ATP10B: variants seen among roughly 807,000 people sequenced by gnomAD.
The protein encoded by ATP10B is phospholipid-transporting ATPase VB.
Under a neutral mutation model 141.2 loss-of-function variants are expected in ATP10B, and 122 were observed. The observed-to-expected ratio is 0.86, with a 90% confidence interval of 0.75 to 1.00. ATP10B has a LOEUF of 1.00. Ranked by LOEUF, ATP10B falls within the 50% of genes least tolerant of loss-of-function variation. ATP10B has a pLI of 0.00. For missense variants in ATP10B, 1,876 were observed against 1,825.3 expected, an observed-to-expected ratio of 1.03 and a Z score of -0.51; for synonymous variants, 685 against 692.0, an observed-to-expected ratio of 0.99 and a Z score of 0.16.
chr5:160,871,649 T>C, the ATP10B span, among the ~76,000 whole-genome samples: 1 of 152,178 alleles, frequency 6.6e-6, no homozygotes, highest in East Asian at 1.9e-4. Context: ...GTTACTTCAC[T>C]TAAAAGAATA....
intron 6 of ATP10B, among the ~76,000 whole-genome samples, chr5:160,671,806 A>C (rs2127727087): frequency 6.6e-6 from 1 of 152,110 alleles, no homozygotes; most frequent in South Asian, 2.1e-4. Context: ...TGGGGGTCAA[A>C]AGAAATTTTT....
At chr5:160,796,781 A>T (rs1339441204) in intron 1 of ATP10B, among the ~76,000 whole-genome samples, 1 of 152,162 alleles carries the variant, frequency 6.6e-6, no homozygotes, top group Non-Finnish European at 1.5e-5. Context: ...GACTCCTCAC[A>T]CAGGTACCTC....
At chr5:160,833,506 CT>C (rs1775229420) in intron 1 of ATP10B, among the ~76,000 whole-genome samples, 1 of 152,082 alleles carries the variant, frequency 6.6e-6, no homozygotes, top group South Asian at 2.1e-4. Flanking sequence ...TTATTTCATC[CT>C]GTTTGATTTT....
rs1337967671 is a variant in ATP10B at position 160,652,908 on chromosome 5, TACA to T, written c.676-3655_676-3653del. 4.1e-3 allele frequency among the ~76,000 whole-genome samples: 294 copies of T among 72,196 alleles called. 27 individuals are homozygous for T. The highest frequency in any genetic ancestry group is 0.018 in the African/African-American group (285 of 16,242). 47.4% of individuals were successfully genotyped at this position (72,196 alleles called of 152,430 possible). A position where few individuals can be genotyped will look rare whatever the true frequency, so the allele number is the denominator to read the frequency against. On this transcript the variant is annotated intron_variant, in intron 7 of 25. Coordinates refer to ENST00000327245, the MANE Select transcript of ATP10B (RefSeq NM_025153.3). ...ATATAATTATATAATATATTATATA[TACA>T]TGTATATATAATATATTATATATAC...
At chr5:160,670,720 C>G (rs1762637578) in intron 6 of ATP10B, 53 bp from the exon 7 acceptor site, 1 of 1,522,544 alleles carries the variant, frequency 6.6e-7, no homozygotes, top group East Asian at 2.2e-5. Flanking sequence ...CCTCAGAACA[C>G]TAATGAAAGA....
chr5:160,619,804 T>A (rs1758221532), intron 15 of ATP10B, among the ~76,000 whole-genome samples: 1 of 152,130 alleles, frequency 6.6e-6, no homozygotes, highest in South Asian at 2.1e-4. Flanking sequence ...GGGAAAAGGA[T>A]AATAAAGAGG....
At chr5:160,577,237 T>A (rs1755248778) in intron 24 of ATP10B, among the ~76,000 whole-genome samples, 1 of 152,198 alleles carries the variant, frequency 6.6e-6, no homozygotes, top group South Asian at 2.1e-4. Context: ...GCTCTTTTCA[T>A]CTTTCTGCTC....
In ATP10B at chr5:160,563,787, G is replaced by A. The variant is rs1332522432; in HGVS notation, c.*1666C>T. The A allele has an allele frequency of 6.6e-6, 1 of 152,144 alleles. No homozygotes were observed. Among genetic ancestry groups the A allele is most frequent in the Non-Finnish European group, 1.5e-5 (1 of 68,026 alleles). The allele number at this position is 152,144 out of a possible 1,614,324, so 9.4% of individuals were successfully genotyped here. ...AAAAATTGAGGTACCTGAGATCCAAGTTTTGACTCAATCCCCTCACTGGAA... is the reference window on the plus strand; with the variant it reads ...AAAAATTGAGGTACCTGAGATCCAAATTTTGACTCAATCCCCTCACTGGAA... On this transcript the variant is annotated 3_prime_UTR_variant, in exon 26 of 26. Coordinates refer to ENST00000327245, the MANE Select transcript of ATP10B (RefSeq NM_025153.3).
At chr5:160,636,063 C>T in intron 11 of ATP10B, 119 bp downstream of exon 11, 1 of 1,170,354 alleles carries the variant, frequency 8.5e-7, no homozygotes, top group Non-Finnish European at 1.2e-6. Context: ...TGACCATCTC[C>T]TCATCTCAAT....
chr5:160,690,884 C>T (rs939105185), intron 3 of ATP10B, among the ~76,000 whole-genome samples: 7 of 152,204 alleles, frequency 4.6e-5, no homozygotes, highest in African/African-American at 1.4e-4. Flanking sequence ...ATAAATCATT[C>T]TTCTACAAAG....
In ATP10B at chr5:160,686,269, C is replaced by A; in HGVS notation, c.280G>T (p.Ala94Ser). ...ACCAGGAACAGGAAATAGAGGTTAG[C>A]CCATCTGGAGGGGCAAGCGAAGTGT... ...RNLFEQFHRW[A>S]NLYFLFLVIL... Residue 94 changes from alanine (A) to serine (S), a missense_variant, in exon 6 of 26, where the codon GCT becomes TCT. Physicochemically the swap from Ala to Ser is moderately conservative, Grantham distance 99. Transcript: ENST00000327245. 6.3e-7 allele frequency: 1 copy of A among 1,583,698 alleles called. No individual in the cohort carries two copies. The highest frequency in any genetic ancestry group is 8.6e-7 in the Non-Finnish European group (1 of 1,160,470).
intron 1 of ATP10B, among the ~76,000 whole-genome samples, chr5:160,835,428 G>A (rs554728330): frequency 1.6e-4 from 24 of 152,178 alleles, no homozygotes; most frequent in African/African-American, 5.1e-4. Flanking sequence ...AGGAGCATAT[G>A]GTCATCTCTA....
chr5:160,778,764 C>G (rs1770517390), intron 2 of ATP10B, among the ~76,000 whole-genome samples: 1 of 152,110 alleles, frequency 6.6e-6, no homozygotes, highest in South Asian at 2.1e-4. Context: ...GGTACGTTGT[C>G]AAAATATTTA....
chr5:160,779,825 T>C (rs1392753395), intron 2 of ATP10B, among the ~76,000 whole-genome samples: 1 of 151,970 alleles, frequency 6.6e-6, no homozygotes, highest in Admixed American at 6.5e-5. Context: ...CAATGGATGC[T>C]GTATACAAGC....
intron 13 of ATP10B, among the ~76,000 whole-genome samples, chr5:160,627,768 G>A (rs1162422155): frequency 6.6e-6 from 1 of 152,110 alleles, no homozygotes; most frequent in Admixed American, 6.5e-5. Flanking sequence ...AATTCATTAG[G>A]TTAAAAAAGC....
intron 7 of ATP10B, among the ~76,000 whole-genome samples, chr5:160,655,336 T>C (rs1761414268): frequency 6.6e-6 from 1 of 151,920 alleles, no homozygotes; most frequent in African/African-American, 2.4e-5. Flanking sequence ...CTAATCCCCA[T>C]AGAAGGTTCC....
At position 160,606,876 on chromosome 5, in the gene ATP10B, C is replaced by T; in HGVS notation, c.3049G>A (p.Glu1017Lys). Residue 1017 changes from glutamate (E) to lysine (K), a missense_variant, in exon 19 of 26, where the codon GAA becomes AAA. Coordinates refer to ENST00000327245, the MANE Select transcript of ATP10B (RefSeq NM_025153.3). ...FQGKLEKKFL[E>K]LTQYCRSVLC... is the part of the protein sequence containing the mutation. ...ACGGACCGACAATACTGGGTCAATT[C>T]CAGAAACTTCTTCTCTAGCTTTCCC... is the stretch of plus-strand genomic sequence containing the variant. 1 of 1,614,136 alleles carries T rather than the reference C, an allele frequency of 6.2e-7. No individual in the cohort carries two copies. The highest frequency in any genetic ancestry group is 2.2e-5 in the East Asian group (1 of 44,874).
the ATP10B span, among the ~76,000 whole-genome samples, chr5:160,883,054 A>G: frequency 6.6e-6 from 1 of 152,258 alleles, no homozygotes; most frequent in Non-Finnish European, 1.5e-5. Context: ...CATCAAATAT[A>G]GGAATGGGAA....
rs551570235 is a variant in ATP10B at position 160,828,392 on chromosome 5, C to T, written c.-576+23549G>A. Among the ~76,000 whole-genome samples the T allele has an allele frequency of 5.7e-4, 86 of 152,148 alleles. 1 individual carries two copies. In the Middle Eastern group the frequency reaches 0.014, roughly 24 times the overall value. On this transcript the variant is annotated intron_variant, in intron 1 of 25. Transcript: ENST00000327245. ...AAAAACAACCCCATCAAAAAGTGGG[C>T]GAAGGACATGAACAGACACCTCTCA...
Sources: gnomAD v4.1 joint callset for allele counts (sites outside exome capture counted in the v4.1 genomes callset) on GRCh38, gnomAD v4.1.1 for gene constraint, MANE v1.5 for transcripts, NCBI Gene and HGNC (gene_info 2026-07-23, HGNC 2026-07-21) for gene names.